HMCN2: variants seen among roughly 807,000 people sequenced by gnomAD.
The protein encoded by HMCN2 is hemicentin-2.
HMCN2 carries 325 observed loss-of-function variants against 377.5 expected under a neutral mutation model. That is an observed-to-expected ratio of 0.86 (90% CI 0.79 to 0.94). The LOEUF (loss-of-function observed/expected upper bound fraction) is 0.94. Ranked by LOEUF, HMCN2 falls within the 40% of genes least tolerant of loss-of-function variation. The pLI is 0.00. For synonymous variants in HMCN2, 2,007 were observed against 2,046.8 expected (o/e 0.98, Z 0.53); for missense variants, 4,543 against 4,725.3 (o/e 0.96, Z 1.13).
rs536183190 is a variant in HMCN2, at chr9:130,393,467, C to G, written c.10234+158C>G. Among the ~76,000 whole-genome samples, 5 of 152,210 alleles carry G rather than the reference C, an allele frequency of 3.3e-5. No individual in the cohort carries two copies. Among genetic ancestry groups the G allele is most frequent in the African/African-American group, 1.2e-4 (5 of 41,466 alleles). On this transcript the variant is annotated intron_variant, in intron 67 of 97. Coordinates refer to ENST00000683500, the MANE Select transcript of HMCN2 (RefSeq NM_001291815.2). The surrounding 1 kb of genome is among the most constrained non-coding windows in gnomAD (Gnocchi z 5.2). ...TCAGTCTCTGACTCACTGTATTGCT[C>G]GTTTGTACCTCACAAGTGGCTGTGG...
intron 4 of HMCN2, among the ~76,000 whole-genome samples, chr9:130,289,593 C>T (rs1425920877): frequency 6.6e-6 from 1 of 152,070 alleles, no homozygotes; most frequent in Admixed American, 6.5e-5. Flanking sequence ...AACGAGAGCC[C>T]CTACCTGGTG....
At chr9:130,301,552 C>A (rs1470787719) in intron 8 of HMCN2, among the ~76,000 whole-genome samples, 1 of 152,212 alleles carries the variant, frequency 6.6e-6, no homozygotes, top group Non-Finnish European at 1.5e-5. Context: ...GGAGCCCAAA[C>A]TGGCTTGGCA....
At chr9:130,403,593 T>C (rs1842956625) in intron 79 of HMCN2, 148 bp from the exon 80 acceptor site, 2 of 923,488 alleles carry the variant, frequency 2.2e-6, no homozygotes, top group Non-Finnish European at 2.9e-6. Context: ...GGGCTCAGGG[T>C]CAGGCTTCTT....
intron 81 of HMCN2, among the ~76,000 whole-genome samples, chr9:130,405,716 A>G (rs1195647508): frequency 6.6e-6 from 1 of 152,200 alleles, no homozygotes; most frequent in Non-Finnish European, 1.5e-5. Flanking sequence ...TTTGGTAAAC[A>G]CTGGCTATTG....
intron 56 of HMCN2, 79 bp from the exon 57 acceptor site, chr9:130,383,425 T>G (rs1294732067): frequency 3.3e-6 from 2 of 605,606 alleles, no homozygotes; most frequent in Non-Finnish European, 4.1e-6. Flanking sequence ...ATGGGAGGGA[T>G]TCCTCGCAGT....
chr9:130,329,302 G>A lies in HMCN2; in HGVS notation c.3359+1827G>A, dbSNP rs983276336. Among the ~76,000 whole-genome samples the A allele has an allele frequency of 7.2e-5, 11 of 152,298 alleles. No individual in the cohort carries two copies. The South Asian group carries it at 1.4e-3, about 20-fold the overall frequency. On this transcript the variant is annotated intron_variant, in intron 22 of 97. Coordinates refer to ENST00000683500, the MANE Select transcript of HMCN2 (RefSeq NM_001291815.2). ...AATGTCTTCCAGGTTCATCCATGTC[G>A]TAGCCAGATGAGTGCCTGCTTCCTT...
intron 19 of HMCN2, among the ~76,000 whole-genome samples, chr9:130,325,234 A>G (rs1838071611): frequency 6.6e-6 from 1 of 151,790 alleles, no homozygotes; most frequent in East Asian, 1.9e-4. Context: ...AGCTGGGATT[A>G]CAAGGCATGC....
intron 22 of HMCN2, among the ~76,000 whole-genome samples, chr9:130,327,919 T>G (rs1165977779): frequency 1.3e-5 from 2 of 152,184 alleles, no homozygotes; most frequent in Admixed American, 6.5e-5. Context: ...CTGACTCAGC[T>G]GCTCCCGGTC....
Position 130,303,614 on chromosome 9 carries a change from T to C in HMCN2, c.1543+6T>C. 3.5e-6 allele frequency: 1 copy of C among 284,594 alleles called. No individual in the cohort carries two copies. The highest frequency in any genetic ancestry group is 2.8e-5 in the South Asian group (1 of 35,212). The allele number at this position is 284,594 out of a possible 1,614,324, so 17.6% of individuals were successfully genotyped here. ...GGCCCAGATTGTTGTCACAGGTCTG[T>C]CCCTTGGGGCCCCTCCATGTACCCC... On this transcript the variant is annotated splice_donor_region_variant and intron_variant, in intron 10 of 97. Coordinates refer to ENST00000683500, the MANE Select transcript of HMCN2 (RefSeq NM_001291815.2). This position sits in a 1 kb window ranked among gnomAD's most constrained non-coding sequence, Gnocchi z 5.2.
intron 1 of HMCN2, among the ~76,000 whole-genome samples, chr9:130,280,890 G>A (rs782581582): frequency 6.6e-6 from 1 of 152,130 alleles, no homozygotes; most frequent in Non-Finnish European, 1.5e-5. Flanking sequence ...CGGATCATGA[G>A]GTCAGGAGAT....
At chr9:130,295,278 T>C (rs1043630816) in intron 5 of HMCN2, among the ~76,000 whole-genome samples, 1 of 151,950 alleles carries the variant, frequency 6.6e-6, no homozygotes, top group Non-Finnish European at 1.5e-5. Flanking sequence ...TCTCCCCAAG[T>C]CTTTTCCGTG....
In HMCN2 at chr9:130,429,640, T is replaced by A. The variant is rs987952969; in HGVS notation, c.14281T>A (p.Cys4761Ser). ...ENTPGGHRCS[C>S]PRGYRMQGPS... ...CACCCCAGGCGGTCACCGCTGCAGC[T>A]GCCCCAGGGGTTACCGGATGCAGGG... Residue 4761 changes from cysteine (C) to serine (S), a missense_variant, in exon 94 of 98, where the codon TGC (cysteine) becomes AGC (serine). Physicochemically the swap from Cys to Ser is moderately radical, Grantham distance 112 (BLOSUM62 -1). Around this residue, in one of 5 missense-constraint regions of HMCN2, gnomAD observed 1,155 missense variants for 1,157.7 expected, o/e 1.00. Transcript: ENST00000683500. 73 of 1,548,492 alleles carry A rather than the reference T, an allele frequency of 4.7e-5. No homozygotes were observed. Among genetic ancestry groups the A allele is most frequent in the Non-Finnish European group, 5.7e-5 (65 of 1,146,128 alleles).
chr9:130,396,188 A>C lies in HMCN2; in HGVS notation c.11073A>C (p.Ser3691=), dbSNP rs1210194416. Reference sequence around the variant, plus strand: ...CCCCAGCGGTGCCCACCATCCGGTCAGGACCACCTGCAGTGAACGTCTCAG... The same window carrying C: ...CCCCAGCGGTGCCCACCATCCGGTCCGGACCACCTGCAGTGAACGTCTCAG... ...VEIHTVPTIR[S]GPPAVNVSVN... is the part of the protein sequence containing the mutation. Residue 3691 remains serine, a synonymous_variant, in exon 73 of 98, where the codon TCA becomes TCC. Transcript: ENST00000683500. 7.8e-7 allele frequency: 1 copy of C among 1,277,406 alleles called. No individual in the cohort carries two copies. Among genetic ancestry groups the C allele is most frequent in the Non-Finnish European group, 1.0e-6 (1 of 979,858 alleles). 79.1% of individuals were successfully genotyped at this position (1,277,406 alleles called of 1,614,324 possible).
At chr9:130,411,598 C>CAAAAAAAAAAAAAA (rs35719589) in intron 85 of HMCN2, among the ~76,000 whole-genome samples, 2 of 97,774 alleles carry the variant, frequency 2.0e-5, no homozygotes, top group African/African-American at 4.5e-5. Flanking sequence ...GACTCAATCT[C>CAAAAAAAAAAAAAA]AAAAAAAAAA....
chr9:130,364,301 C>T (rs982418838), intron 40 of HMCN2, among the ~76,000 whole-genome samples: 3 of 152,222 alleles, frequency 2.0e-5, no homozygotes, highest in South Asian at 2.1e-4. Context: ...GAGTTCTCCC[C>T]CTGGACCCTG....
intron 75 of HMCN2, 89 bp downstream of exon 75, chr9:130,398,796 CG>C: frequency 1.1e-6 from 1 of 882,442 alleles, no homozygotes; most frequent in South Asian, 1.5e-5. Context: ...AGGGACGGGG[CG>C]GGGTGTGCTC....
At chr9:130,329,966 C>T (rs1838339899) in intron 22 of HMCN2, among the ~76,000 whole-genome samples, 1 of 151,508 alleles carries the variant, frequency 6.6e-6, no homozygotes, top group Admixed American at 6.6e-5. Flanking sequence ...CTTCCTCCTC[C>T]CCTCCCCCCC....
chr9:130,399,498 C>A lies in HMCN2; in HGVS notation c.11484-13C>A. On this transcript the variant is annotated splice_polypyrimidine_tract_variant and intron_variant, in intron 75 of 97. Transcript: ENST00000683500. ...GCCCAGCAGCCACTTGGCCGTCTGT[C>A]TGTCCACCCCAGGCTCCTGCCCTCC... The A allele has an allele frequency of 7.9e-7, 1 of 1,270,314 alleles. No individual in the cohort carries two copies. Among genetic ancestry groups the A allele is most frequent in the Admixed American group, 2.4e-5 (1 of 42,058 alleles). The allele number at this position is 1,270,314 out of a possible 1,614,324, so 78.7% of individuals were successfully genotyped here.
At chr9:130,407,489 T>C in intron 82 of HMCN2, 82 bp from the exon 83 acceptor site, 1 of 1,188,140 alleles carries the variant, frequency 8.4e-7, no homozygotes, top group South Asian at 1.4e-5. Flanking sequence ...GCATTTTTAT[T>C]AAGTTCCTGC....
Sources: gnomAD v4.1 joint callset for allele counts (sites outside exome capture counted in the v4.1 genomes callset) on GRCh38, gnomAD v4.1.1 for gene constraint, gnomAD v4.1.1 regional missense constraint, Gnocchi (gnomAD v3.1) non-coding constraint, MANE v1.5 for transcripts, NCBI Gene and HGNC (gene_info 2026-07-23, HGNC 2026-07-21) for gene names.